USP34: variants seen among roughly 807,000 people sequenced by gnomAD.
USP34 encodes the protein ubiquitin carboxyl-terminal hydrolase 34.
Under a neutral mutation model 460.3 loss-of-function variants are expected in USP34, and 70 were observed. The ratio of observed to expected loss-of-function variants is 0.15; its 90% CI spans 0.13 to 0.19. USP34 has a LOEUF of 0.19. Ranked by LOEUF, USP34 falls within the 10% of genes least tolerant of loss-of-function variation. USP34 has a pLI of 1.00. For missense variants in USP34, 3,985 were observed against 4,236.2 expected, an observed-to-expected ratio of 0.94 and a Z score of 1.65; for synonymous variants, 1,647 against 1,405.3, an observed-to-expected ratio of 1.17 and a Z score of -3.85.
chr2:61,272,501 T>C (rs2103936469), intron 41 of USP34, among the ~76,000 whole-genome samples: 1 of 152,082 alleles, frequency 6.6e-6, no homozygotes, highest in East Asian at 1.9e-4. Context: ...CTGTGAGCTC[T>C]ACCTTCAATA....
At chr2:61,252,229 T>TA (rs1037292868) in intron 48 of USP34, among the ~76,000 whole-genome samples, 2 of 152,196 alleles carry the variant, frequency 1.3e-5, no homozygotes, top group Non-Finnish European at 2.9e-5. Flanking sequence ...AGTCTGGCTG[T>TA]AATCCCTTAT....
chr2:61,446,027 C>T (rs1695105012), intron 1 of USP34, among the ~76,000 whole-genome samples: 2 of 148,196 alleles, frequency 1.3e-5, no homozygotes, highest in African/African-American at 5.0e-5. Context: ...GCAGGAGAAT[C>T]ACCTGAACCC....
intron 10 of USP34, among the ~76,000 whole-genome samples, chr2:61,367,621 A>G (rs1028164629): frequency 1.1e-4 from 16 of 152,184 alleles, no homozygotes; most frequent in African/African-American, 3.6e-4. Context: ...ATATATCTCT[A>G]TATCTCCATC....
Position 61,380,316 on chromosome 2 carries a change from A to T in USP34, c.867T>A (p.Ala289=), listed in dbSNP as rs1692931594. 6.2e-7 allele frequency: 1 copy of T among 1,614,042 alleles called. No individual in the cohort carries two copies. The highest frequency in any genetic ancestry group is 1.3e-5 in the African/African-American group (1 of 75,056). ...LSDQELRQSA[A]RNMADLMWST... ...TCCACATTAAGTCAGCCATGTTACG[A>T]GCTGCACTCTGTCGTAACTCCTGAT... The change falls in exon 7 of 80, where the codon GCT becomes GCA. Residue 289 remains alanine, a synonymous_variant. Transcript: ENST00000398571.
rs190228074 is a variant in USP34, at chr2:61,427,091, G to C, written c.44-6258C>G. ...TGCCCAGGCTGGAGTGCAGTGGCAC[G>C]ATCTCGGCTTACTGCAAGCTCTGCC... is the stretch of plus-strand genomic sequence containing the variant. On this transcript the variant is annotated intron_variant, in intron 1 of 79. Coordinates refer to ENST00000398571, the MANE Select transcript of USP34 (RefSeq NM_014709.4). Among the ~76,000 whole-genome samples the C allele has an allele frequency of 6.8e-4, 104 of 152,254 alleles. No individual in the cohort carries two copies. In the Middle Eastern group the frequency reaches 0.017, roughly 25 times the overall value.
At chr2:61,279,835 G>C (rs539728221) in intron 39 of USP34, among the ~76,000 whole-genome samples, 6 of 152,176 alleles carry the variant, frequency 3.9e-5, no homozygotes, top group Non-Finnish European at 7.4e-5. Context: ...AAGAAAATTA[G>C]ATATGCAAAA....
intron 48 of USP34, among the ~76,000 whole-genome samples, chr2:61,255,179 A>C (rs566784904): frequency 2.1e-4 from 32 of 152,214 alleles, no homozygotes; most frequent in Non-Finnish European, 3.8e-4. Flanking sequence ...AAGAAATTCT[A>C]CTGAAAATGA....
intron 1 of USP34, among the ~76,000 whole-genome samples, chr2:61,458,813 A>C (rs1695513344): frequency 6.6e-6 from 1 of 152,080 alleles, no homozygotes; most frequent in Admixed American, 6.6e-5. Flanking sequence ...CACGCCTGTA[A>C]TCCCAGCACT....
chr2:61,271,099 C>G (rs1020637515), intron 41 of USP34, among the ~76,000 whole-genome samples: 17 of 151,916 alleles, frequency 1.1e-4, no homozygotes, highest in Non-Finnish European at 2.4e-4. Flanking sequence ...GCATGGCCAA[C>G]ATGGTGAAAA....
At position 61,405,750 on chromosome 2, in the gene USP34, G is replaced by A. The variant is rs1266109007; in HGVS notation, c.510C>T (p.Pro170=). ...CVAKIFQIQF[P]LYTAYKHNTH... is the part of the protein sequence containing the mutation. ...TATTATGCTTGTAAGCAGTATATAA[G>A]GGAAACTGAATTTGAAAAATTTTTG... The change falls in exon 3 of 80, where the codon CCC becomes CCT. Residue 170 remains proline, a synonymous_variant. Transcript: ENST00000398571. 1 of 1,596,054 alleles carries A rather than the reference G, an allele frequency of 6.3e-7. No individual in the cohort carries two copies.
At chr2:61,278,018 C>CT (rs1481052354) in intron 41 of USP34, 147 bp downstream of exon 41, 9 of 1,049,542 alleles carry the variant, frequency 8.6e-6, no homozygotes, top group Middle Eastern at 3.2e-4. Context: ...ACATGGAACT[C>CT]TGAGTCGAAT....
At chr2:61,280,411 TAAG>T (rs1163332249) in intron 38 of USP34, 63 bp from the exon 39 acceptor site, 21 of 793,788 alleles carry the variant, frequency 2.6e-5, no homozygotes, top group Non-Finnish European at 3.8e-5. Context: ...ATAATACATT[TAAG>T]AAACTAGAGG....
intron 18 of USP34, 133 bp downstream of exon 18, chr2:61,339,218 C>A: frequency 1.1e-6 from 1 of 873,132 alleles, no homozygotes; most frequent in Non-Finnish European, 1.6e-6. Flanking sequence ...CATATGAAAA[C>A]TATAATTACT....
chr2:61,424,205 G>A (rs1394864666), intron 1 of USP34, among the ~76,000 whole-genome samples: 1 of 152,142 alleles, frequency 6.6e-6, no homozygotes, highest in African/African-American at 2.4e-5. Context: ...ACTATACGGT[G>A]TATAAATATC....
chr2:61,196,616 G>A (rs990817732), intron 75 of USP34, among the ~76,000 whole-genome samples: 2 of 151,550 alleles, frequency 1.3e-5, no homozygotes, highest in Admixed American at 6.6e-5. Context: ...CTGCAGCCTC[G>A]ACTTTCCCAG....
chr2:61,230,654 C>T (rs975660625), intron 58 of USP34, among the ~76,000 whole-genome samples: 6 of 151,852 alleles, frequency 4.0e-5, no homozygotes, highest in African/African-American at 1.5e-4. Flanking sequence ...ACCAGCCTGG[C>T]CAAAATGGTG....
At chr2:61,234,532 G>T (rs564236046) in intron 57 of USP34, among the ~76,000 whole-genome samples, 1 of 152,198 alleles carries the variant, frequency 6.6e-6, no homozygotes, top group Non-Finnish European at 1.5e-5. Context: ...GGAAGTGACA[G>T]ATGATGTTAA....
intron 48 of USP34, among the ~76,000 whole-genome samples, chr2:61,254,067 C>G (rs962997350): frequency 1.4e-4 from 21 of 152,156 alleles, no homozygotes; most frequent in African/African-American, 4.8e-4. Flanking sequence ...ATGATTTATG[C>G]TTGATTCCAT....
chr2:61,385,164 G>A (rs903912505), intron 5 of USP34, among the ~76,000 whole-genome samples: 1 of 152,046 alleles, frequency 6.6e-6, no homozygotes, highest in Non-Finnish European at 1.5e-5. Context: ...AATATCATGT[G>A]TCTAGGAGTA....
Sources: allele counts gnomAD v4.1 joint callset (sites outside exome capture counted in the v4.1 genomes callset), GRCh38; gene constraint gnomAD v4.1.1; transcripts MANE v1.5; gene names NCBI Gene and HGNC (gene_info 2026-07-23, HGNC 2026-07-21).